Variants in ZBTB20 observed in about 807,000 individuals in gnomAD.
The protein encoded by ZBTB20 is zinc finger and BTB domain containing 20, also known as zinc finger and BTB domain-containing protein 20.
A neutral mutation model predicts 56.9 loss-of-function variants in ZBTB20; 9 were observed. That is an observed-to-expected ratio of 0.16 (90% confidence interval 0.10 to 0.28). ZBTB20 has a LOEUF of 0.28. Ranked by LOEUF, ZBTB20 falls within the 10% of genes least tolerant of loss-of-function variation. The pLI is 1.00. For synonymous variants in ZBTB20, 417 were observed against 420.7 expected, an observed-to-expected ratio of 0.99 and a Z score of 0.11; for missense variants, 655 against 1,003.0, an observed-to-expected ratio of 0.65 and a Z score of 4.69.
intron 6 of ZBTB20, among the ~76,000 whole-genome samples, chr3:114,654,462 T>C (rs1361028151): frequency 6.6e-6 from 1 of 151,104 alleles, no homozygotes; most frequent in Non-Finnish European, 1.5e-5. Flanking sequence ...CTAATTTAAT[T>C]AATTATAAAC....
chr3:114,960,720 A>G (rs1370076930), intron 3 of ZBTB20, among the ~76,000 whole-genome samples: 1 of 152,210 alleles, frequency 6.6e-6, no homozygotes, highest in Admixed American at 6.5e-5. Context: ...GGTTACAAAG[A>G]TATTCAAAAT....
At chr3:115,139,881 C>T (rs1325917646) in intron 1 of ZBTB20, among the ~76,000 whole-genome samples, 7 of 151,736 alleles carry the variant, frequency 4.6e-5, no homozygotes, top group Admixed American at 4.6e-4. Flanking sequence ...TTATACTTAC[C>T]CACTATGAAA....
chr3:114,513,014 T>C (rs1024585730), intron 6 of ZBTB20, among the ~76,000 whole-genome samples: 1 of 152,168 alleles, frequency 6.6e-6, no homozygotes, highest in Non-Finnish European at 1.5e-5. Flanking sequence ...CTCTCCACTA[T>C]ATTTTGGTAT....
chr3:114,798,683 C>T (rs1485750677), intron 5 of ZBTB20, among the ~76,000 whole-genome samples: 3 of 152,022 alleles, frequency 2.0e-5, no homozygotes, highest in Non-Finnish European at 4.4e-5. Flanking sequence ...TTGTTTCTTA[C>T]ATCCTTTCCC....
chr3:114,624,622 T>G (rs2058545880), intron 6 of ZBTB20, among the ~76,000 whole-genome samples: 1 of 152,130 alleles, frequency 6.6e-6, no homozygotes, highest in South Asian at 2.1e-4. Context: ...GTTCCAGAAT[T>G]TTGTGCAGAG....
intron 1 of ZBTB20, among the ~76,000 whole-genome samples, chr3:115,076,560 G>T (rs932495280): frequency 6.6e-6 from 1 of 152,096 alleles, no homozygotes; most frequent in Admixed American, 6.6e-5. Flanking sequence ...ATCGATTAAA[G>T]ACTTAAATGT....
chr3:114,505,452 G>A (rs1397219288), intron 6 of ZBTB20, among the ~76,000 whole-genome samples: 1 of 152,152 alleles, frequency 6.6e-6, no homozygotes, highest in African/African-American at 2.4e-5. Context: ...TGACAGAGCT[G>A]AGGAATTTGG....
intron 2 of ZBTB20, among the ~76,000 whole-genome samples, chr3:115,050,751 CT>C (rs762611793): frequency 2.0e-5 from 3 of 151,910 alleles, no homozygotes; most frequent in Admixed American, 6.6e-5. Flanking sequence ...GATGACAGTT[CT>C]GATTAAAGGC....
intron 6 of ZBTB20, among the ~76,000 whole-genome samples, chr3:114,578,105 GAAATA>G (rs1240688540): frequency 1.3e-5 from 2 of 151,682 alleles, no homozygotes; most frequent in Non-Finnish European, 1.5e-5. Flanking sequence ...ATTAAAGATA[GAAATA>G]AAATAAGAAT....
At chr3:114,546,597 T>TG (rs2049916986) in intron 6 of ZBTB20, among the ~76,000 whole-genome samples, 1 of 151,032 alleles carries the variant, frequency 6.6e-6, no homozygotes, top group Non-Finnish European at 1.5e-5. Context: ...AGAATTCAAA[T>TG]GCCTTGTTAA....
At chr3:114,784,131 G>A (rs1384216858) in intron 5 of ZBTB20, among the ~76,000 whole-genome samples, 2 of 152,132 alleles carry the variant, frequency 1.3e-5, no homozygotes, top group Non-Finnish European at 2.9e-5. Context: ...ATTTTTTAAA[G>A]CAGAAAATAT....
chr3:114,901,013 A>G (rs188117086), intron 3 of ZBTB20, among the ~76,000 whole-genome samples: 135 of 152,330 alleles, frequency 8.9e-4, no homozygotes, highest in African/African-American at 3.1e-3. Flanking sequence ...ACATTAAACA[A>G]AAGTAGCAGT....
chr3:114,662,941 G>A (rs1378435957), intron 6 of ZBTB20, among the ~76,000 whole-genome samples: 3 of 151,608 alleles, frequency 2.0e-5, no homozygotes, highest in African/African-American at 7.3e-5. Flanking sequence ...TGTGGAGAAT[G>A]GAACCAAGTT....
At chr3:114,632,835 G>C (rs2059033586) in intron 6 of ZBTB20, among the ~76,000 whole-genome samples, 1 of 152,182 alleles carries the variant, frequency 6.6e-6, no homozygotes, top group Admixed American at 6.5e-5. Flanking sequence ...AAGCTTTCCT[G>C]AAAGCTGGCA....
intron 5 of ZBTB20, among the ~76,000 whole-genome samples, chr3:114,782,632 G>C (rs934695359): frequency 6.6e-6 from 1 of 152,024 alleles, no homozygotes; most frequent in Non-Finnish European, 1.5e-5. Context: ...ATAAACCATG[G>C]AAAAAGCCTG....
chr3:114,549,592 C>G (rs75080719), intron 6 of ZBTB20, among the ~76,000 whole-genome samples: 24,128 of 152,008 alleles, frequency 0.16, 2,108 homozygotes, highest in South Asian at 0.25. Flanking sequence ...TTCCACCAAA[C>G]TATATAAGTG....
rs2078920809 is a variant in ZBTB20 at position 114,322,250 on chromosome 3, A to G, written c.*16755T>C. On this transcript the variant is annotated 3_prime_UTR_variant, in exon 12 of 12. Coordinates refer to ENST00000675478, the MANE Select transcript of ZBTB20 (RefSeq NM_001348800.3). Reference sequence around the variant, plus strand: ...CCATCAGTCTCCAGGTCATGACTCTATTAAAGATCATTTACAGTGTCAAGT... The same window carrying G: ...CCATCAGTCTCCAGGTCATGACTCTGTTAAAGATCATTTACAGTGTCAAGT... The G allele has an allele frequency of 6.6e-6, 1 of 152,210 alleles. No individual in the cohort carries two copies. The highest frequency in any genetic ancestry group is 2.4e-5 in the African/African-American group (1 of 41,454). 9.4% of individuals were successfully genotyped at this position (152,210 alleles called of 1,614,324 possible). A position where few individuals can be genotyped will look rare whatever the true frequency, so the allele number is the denominator to read the frequency against.
chr3:114,847,590 G>T (rs1488622264), intron 4 of ZBTB20, among the ~76,000 whole-genome samples: 2 of 152,122 alleles, frequency 1.3e-5, no homozygotes, highest in Non-Finnish European at 2.9e-5. Flanking sequence ...CAGTGAAATG[G>T]AGAAAAAAGT....
At chr3:114,732,085 T>C (rs2065805104) in intron 5 of ZBTB20, among the ~76,000 whole-genome samples, 1 of 152,176 alleles carries the variant, frequency 6.6e-6, no homozygotes, top group Non-Finnish European at 1.5e-5. Flanking sequence ...TCATGATACA[T>C]TGTTTTATAC....
Sources: allele counts gnomAD v4.1 joint callset (sites outside exome capture counted in the v4.1 genomes callset), GRCh38; gene constraint gnomAD v4.1.1; transcripts MANE v1.5; gene names NCBI Gene and HGNC (gene_info 2026-07-23, HGNC 2026-07-21).